Variants in HIPK3 observed in about 807,000 individuals in gnomAD.
HIPK3 encodes the protein homeodomain-interacting protein kinase 3.
HIPK3 carries 47 observed loss-of-function variants against 124.2 expected under a neutral mutation model. The ratio of observed to expected loss-of-function variants is 0.38; its 90% CI spans 0.30 to 0.48. HIPK3 has a LOEUF of 0.48. Ranked by LOEUF, HIPK3 falls within the 20% of genes least tolerant of loss-of-function variation. The probability of loss-of-function intolerance (pLI) is 0.98; values close to 1 mark genes in which losing one functional copy is unlikely to be tolerated. For synonymous variants in HIPK3, 482 were observed against 515.2 expected (o/e 0.94, Z 0.87); for missense variants, 1,286 against 1,454.3 (o/e 0.88, Z 1.88).
chr11:33,348,237 G>T lies in HIPK3; in HGVS notation c.2369+9G>T, dbSNP rs1322387750. 6.2e-7 allele frequency: 1 copy of T among 1,610,874 alleles called. No homozygotes were observed. The highest frequency in any genetic ancestry group is 1.1e-5 in the South Asian group (1 of 90,840). Reference sequence around the variant, plus strand: ...ATAAATGCTTTCAGTTGGTAAGATTGTCTTTATTGCCCTTTTGATTTATTA... The same window carrying T: ...ATAAATGCTTTCAGTTGGTAAGATTTTCTTTATTGCCCTTTTGATTTATTA... On this transcript the variant is annotated intron_variant, in intron 12 of 16. Coordinates refer to ENST00000303296, the MANE Select transcript of HIPK3 (RefSeq NM_005734.5).
At chr11:33,305,189 G>T (rs142553271) in intron 2 of HIPK3, among the ~76,000 whole-genome samples, 2 of 151,992 alleles carry the variant, frequency 1.3e-5, no homozygotes, top group African/African-American at 2.4e-5. Context: ...TTTGGTAGAG[G>T]CAGGGTTTCA....
At chr11:33,353,030 T>G (rs1853711821) in intron 16 of HIPK3, 62 bp from the exon 17 acceptor site, 2 of 1,008,786 alleles carry the variant, frequency 2.0e-6, no homozygotes, top group Non-Finnish European at 3.0e-6. Context: ...TTCCCTTTCT[T>G]TCTTTCCTTT....
intron 1 of HIPK3, among the ~76,000 whole-genome samples, chr11:33,279,477 T>C (rs1162550389): frequency 6.6e-6 from 1 of 152,236 alleles, no homozygotes; most frequent in Middle Eastern, 3.4e-3. Context: ...TCTCCCTCCC[T>C]TTTCAGATGG....
intron 3 of HIPK3, among the ~76,000 whole-genome samples, chr11:33,334,206 T>A (rs778841585): frequency 6.6e-6 from 1 of 152,094 alleles, no homozygotes; most frequent in Non-Finnish European, 1.5e-5. Flanking sequence ...AATATAGTTA[T>A]AATAATTATA....
At chr11:33,292,398 G>A (rs559586665) in intron 2 of HIPK3, among the ~76,000 whole-genome samples, 2 of 152,226 alleles carry the variant, frequency 1.3e-5, no homozygotes, top group South Asian at 4.1e-4. Flanking sequence ...AAAATAGTTT[G>A]CTTCAAGAAA....
intron 7 of HIPK3, 114 bp downstream of exon 7, chr11:33,341,241 T>G (rs1438498897): frequency 4.4e-6 from 3 of 686,432 alleles, no homozygotes; most frequent in Non-Finnish European, 7.0e-6. Flanking sequence ...TGCTGTGAGG[T>G]CTTACTATAC....
intron 2 of HIPK3, among the ~76,000 whole-genome samples, chr11:33,323,396 A>T (rs940035052): frequency 6.6e-6 from 1 of 152,142 alleles, no homozygotes. Context: ...GGTGCACACC[A>T]CCACACCTGG....
chr11:33,268,246 T>C (rs111391757), intron 1 of HIPK3, among the ~76,000 whole-genome samples: 212 of 152,244 alleles, frequency 1.4e-3, no homozygotes, highest in African/African-American at 4.8e-3. Context: ...AACAGTATTC[T>C]TAATTAAATT....
At chr11:33,281,567 A>G (rs939866272) in intron 1 of HIPK3, among the ~76,000 whole-genome samples, 4 of 152,208 alleles carry the variant, frequency 2.6e-5, no homozygotes, top group Non-Finnish European at 4.4e-5. Flanking sequence ...GTGAAAAGTA[A>G]TTCTTTTCAT....
At chr11:33,271,727 TGTTA>T (rs1225710753) in intron 1 of HIPK3, among the ~76,000 whole-genome samples, 3 of 152,264 alleles carry the variant, frequency 2.0e-5, no homozygotes, top group African/African-American at 4.8e-5. Flanking sequence ...ATGTGTTAGC[TGTTA>T]GTTACATATG....
intron 14 of HIPK3, among the ~76,000 whole-genome samples, chr11:33,351,315 G>T (rs1258432284): frequency 6.6e-6 from 1 of 151,874 alleles, no homozygotes; most frequent in African/African-American, 2.4e-5. Flanking sequence ...TTTATAAAGA[G>T]GAATTTTATG....
intron 2 of HIPK3, among the ~76,000 whole-genome samples, chr11:33,320,364 G>A (rs1852628552): frequency 6.6e-6 from 1 of 152,158 alleles, no homozygotes; most frequent in South Asian, 2.1e-4. Context: ...GTGATGGGGG[G>A]TTGGATTAGA....
intron 2 of HIPK3, among the ~76,000 whole-genome samples, chr11:33,316,068 A>C (rs1852492219): frequency 2.0e-5 from 3 of 152,076 alleles, no homozygotes. Flanking sequence ...AGAGTCATAA[A>C]AACAATCTGC....
intron 2 of HIPK3, among the ~76,000 whole-genome samples, chr11:33,312,654 G>A (rs1486790030): frequency 6.6e-6 from 1 of 152,128 alleles, no homozygotes. Context: ...ATATTGTGAG[G>A]ACACTTTGTA....
chr11:33,343,913 T>C (rs2133991389), intron 8 of HIPK3, among the ~76,000 whole-genome samples: 2 of 152,312 alleles, frequency 1.3e-5, no homozygotes, highest in South Asian at 4.2e-4. Context: ...TCTGTAACAG[T>C]GACATTTTTA....
intron 3 of HIPK3, among the ~76,000 whole-genome samples, chr11:33,335,407 G>T (rs1343798871): frequency 1.3e-5 from 2 of 152,160 alleles, no homozygotes; most frequent in Non-Finnish European, 2.9e-5. Context: ...CGTGGAAATT[G>T]AGCGATTTTT....
intron 2 of HIPK3, among the ~76,000 whole-genome samples, chr11:33,300,639 G>A (rs1851972658): frequency 6.6e-6 from 1 of 152,138 alleles, no homozygotes; most frequent in African/African-American, 2.4e-5. Flanking sequence ...CACCTTATTG[G>A]GGTATTTGCT....
intron 3 of HIPK3, among the ~76,000 whole-genome samples, chr11:33,331,782 G>A (rs1212197350): frequency 6.6e-6 from 1 of 152,140 alleles, no homozygotes. Flanking sequence ...TATGTACTAG[G>A]AACTGCTGTT....
chr11:33,307,712 G>A (rs1284850190), intron 2 of HIPK3, among the ~76,000 whole-genome samples: 1 of 151,678 alleles, frequency 6.6e-6, no homozygotes, highest in African/African-American at 2.4e-5. Context: ...GGCCTAAAGT[G>A]TGTTTTGACT....
Sources: allele counts gnomAD v4.1 joint callset (sites outside exome capture counted in the v4.1 genomes callset), GRCh38; gene constraint gnomAD v4.1.1; transcripts MANE v1.5; gene names NCBI Gene and HGNC (gene_info 2026-07-23, HGNC 2026-07-21).